Variants in TNRC6B observed in about 807,000 individuals in gnomAD.
TNRC6B encodes trinucleotide repeat-containing gene 6B protein.
In TNRC6B, 52 loss-of-function variants were observed where a neutral mutation model predicts 203.6. That is an observed-to-expected ratio of 0.26 (90% CI 0.20 to 0.32). The LOEUF (loss-of-function observed/expected upper bound fraction) is 0.32. Ranked by LOEUF, TNRC6B falls within the 10% of genes least tolerant of loss-of-function variation. The pLI is 1.00. For synonymous variants in TNRC6B, 838 were observed against 845.7 expected (o/e 0.99, Z 0.16); for missense variants, 1,923 against 2,286.2 (o/e 0.84, Z 3.24).
Position 40,273,347 on chromosome 22 carries a change from T to C in TNRC6B, c.2966-78T>C, listed in dbSNP as rs2070590896. 3 of 1,316,484 alleles carry C rather than the reference T, an allele frequency of 2.3e-6. No homozygotes were observed. In the South Asian group the frequency reaches 4.8e-5, roughly 21 times the overall value. 81.6% of individuals were successfully genotyped at this position (1,316,484 alleles called of 1,614,324 possible). A position where few individuals can be genotyped will look rare whatever the true frequency, so the allele number is the denominator to read the frequency against. ...TAAAATTACAAAGACACGTAAATGC[T>C]GCATCTGCAAGGAATTATTATTCTG... On this transcript the variant is annotated intron_variant, in intron 6 of 22. Transcript: ENST00000454349.
At chr22:40,247,693 G>C (rs981493457) in intron 2 of TNRC6B, among the ~76,000 whole-genome samples, 16 of 152,154 alleles carry the variant, frequency 1.1e-4, no homozygotes, top group African/African-American at 3.9e-4. Context: ...TCTTCATGCA[G>C]TCAGGGTACC....
intron 1 of TNRC6B, among the ~76,000 whole-genome samples, chr22:40,102,825 T>C (rs1242207189): frequency 2.0e-5 from 3 of 152,082 alleles, no homozygotes; most frequent in Non-Finnish European, 4.4e-5. Flanking sequence ...ACACCTGTAA[T>C]CCCAGCACTT....
At chr22:40,061,097 A>C (rs2067846529) in intron 1 of TNRC6B, among the ~76,000 whole-genome samples, 1 of 152,136 alleles carries the variant, frequency 6.6e-6, no homozygotes, top group African/African-American at 2.4e-5. Context: ...TTTTTGGTAC[A>C]CTTTGTATAA....
chr22:40,167,065 T>C (rs920805606), intron 4 of TNRC6B, among the ~76,000 whole-genome samples: 5 of 152,196 alleles, frequency 3.3e-5, no homozygotes, highest in Non-Finnish European at 7.3e-5. Context: ...GCCCCGCATA[T>C]TTCAGTCATG....
intron 1 of TNRC6B, among the ~76,000 whole-genome samples, chr22:40,050,089 GGCCATATAATAAACTCT>G (rs917677730): frequency 3.2e-4 from 49 of 152,000 alleles, no homozygotes; most frequent in African/African-American, 1.1e-3. Flanking sequence ...GCATTTGGAG[GGCCATATAATAAACTCT>G]GTTATTTCAA....
At chr22:40,100,310 G>A (rs1339038953) in intron 1 of TNRC6B, among the ~76,000 whole-genome samples, 5 of 150,792 alleles carry the variant, frequency 3.3e-5, no homozygotes, top group South Asian at 2.1e-4. Flanking sequence ...GGCTGGTCTC[G>A]AACTTCTGGC....
chr22:40,299,997 C>T (rs1206025927), intron 12 of TNRC6B, among the ~76,000 whole-genome samples: 1 of 152,152 alleles, frequency 6.6e-6, no homozygotes, highest in African/African-American at 2.4e-5. Context: ...CTATCAGAAG[C>T]CATGCATTGA....
At chr22:40,271,236 A>C (rs2070558966) in intron 6 of TNRC6B, among the ~76,000 whole-genome samples, 1 of 152,346 alleles carries the variant, frequency 6.6e-6, no homozygotes, top group East Asian at 1.9e-4. Flanking sequence ...GCCTGTTTAC[A>C]CTTACTTTTG....
At chr22:40,054,320 G>T (rs1032475680) in intron 1 of TNRC6B, among the ~76,000 whole-genome samples, 16 of 152,166 alleles carry the variant, frequency 1.1e-4, no homozygotes, top group African/African-American at 3.1e-4. Flanking sequence ...AGCGTCCCCT[G>T]CCTCTTTTCC....
chr22:40,077,230 T>A (rs538639404), intron 1 of TNRC6B, among the ~76,000 whole-genome samples: 1 of 152,100 alleles, frequency 6.6e-6, no homozygotes, highest in Admixed American at 6.6e-5. Flanking sequence ...CACGGTAGTC[T>A]GCATAGGTTA....
At chr22:40,114,446 T>G (rs1410213023) in intron 1 of TNRC6B, among the ~76,000 whole-genome samples, 1 of 152,134 alleles carries the variant, frequency 6.6e-6, no homozygotes, top group Non-Finnish European at 1.5e-5. Flanking sequence ...TTAGCCTCTT[T>G]AGTAGCTGAG....
intron 1 of TNRC6B, among the ~76,000 whole-genome samples, chr22:40,061,566 G>C (rs2067852920): frequency 6.6e-6 from 1 of 151,848 alleles, no homozygotes; most frequent in African/African-American, 2.4e-5. Context: ...CAGATGGTTG[G>C]TAGTATCTTT....
chr22:40,178,051 AAAG>A lies in TNRC6B; in HGVS notation c.-82_-80del. On this transcript the variant is annotated 5_prime_UTR_variant, in exon 1 of 23. Coordinates refer to ENST00000454349, the MANE Select transcript of TNRC6B (RefSeq NM_001162501.2). ...AAAATACAAAAAAACAGATAGACAA[AAAG>A]AATTCATTTTTTGGACCTTTTTTCA... 6.3e-7 allele frequency: 1 copy of A among 1,589,620 alleles called. No homozygotes were observed. The highest frequency in any genetic ancestry group is 1.2e-5 in the South Asian group (1 of 86,680).
At chr22:40,084,450 G>T (rs1317750996) in intron 1 of TNRC6B, among the ~76,000 whole-genome samples, 1 of 152,192 alleles carries the variant, frequency 6.6e-6, no homozygotes, top group African/African-American at 2.4e-5. Context: ...AAGGTTAAAG[G>T]TATGTTAACC....
chr22:40,158,320 C>T lies in TNRC6B; in HGVS notation c.113+2138C>T, dbSNP rs536485320. Among the ~76,000 whole-genome samples, 167 of 150,410 alleles carry T rather than the reference C, an allele frequency of 1.1e-3. 2 individuals carry two copies. The highest frequency in any genetic ancestry group is 0.01 in the Middle Eastern group (3 of 290). The stretch of plus-strand genomic sequence containing the variant: ...CACCATTGCACTCCAGCCTGGGCAA[C>T]AAGAGCGAAACTCCATCTTCAATAA... On this transcript the variant is annotated intron_variant, in intron 4 of 23. Transcript: ENST00000301923.
At chr22:40,251,056 A>G in intron 2 of TNRC6B, 123 bp from the exon 3 acceptor site, 1 of 679,208 alleles carries the variant, frequency 1.5e-6, no homozygotes, top group East Asian at 3.3e-5. Flanking sequence ...CTTTTTCTGG[A>G]TTTCAGCTAT....
chr22:40,070,777 T>C (rs1299479757), intron 1 of TNRC6B, among the ~76,000 whole-genome samples: 1 of 135,126 alleles, frequency 7.4e-6, no homozygotes, highest in Non-Finnish European at 1.5e-5. Context: ...ATAGCTCAGA[T>C]TTTTTTTTTT....
chr22:40,213,220 T>C (rs947743126), intron 1 of TNRC6B, among the ~76,000 whole-genome samples: 1 of 152,182 alleles, frequency 6.6e-6, no homozygotes, highest in African/African-American at 2.4e-5. Context: ...TTAAACACAG[T>C]TAAAATGGTA....
At chr22:40,101,011 G>A (rs1203334396) in intron 1 of TNRC6B, among the ~76,000 whole-genome samples, 2 of 141,640 alleles carry the variant, frequency 1.4e-5, no homozygotes, top group Admixed American at 7.1e-5. Flanking sequence ...TTTTTCCTTT[G>A]AGATGGAGTC....
Sources: gnomAD v4.1 joint callset for allele counts (sites outside exome capture counted in the v4.1 genomes callset) on GRCh38, gnomAD v4.1.1 for gene constraint, MANE v1.5 for transcripts, NCBI Gene and HGNC (gene_info 2026-07-23, HGNC 2026-07-21) for gene names.